The following TACC1 variants were observed in gnomAD, a reference collection of about 807,000 sequenced individuals.
TACC1 encodes the protein transforming acidic coiled-coil-containing protein 1.
TACC1 carries 48 observed loss-of-function variants against 84.4 expected under a neutral mutation model. The ratio of observed to expected loss-of-function variants is 0.57; its 90% CI spans 0.45 to 0.72. TACC1 has a LOEUF of 0.72. Among genes scored for constraint, TACC1 ranks in the 30% least tolerant of loss-of-function variants. The probability of loss-of-function intolerance (pLI) is 0.00; values close to 1 mark genes in which losing one functional copy is unlikely to be tolerated. For synonymous variants in TACC1, 372 were observed against 376.3 expected (o/e 0.99, Z 0.13); for missense variants, 920 against 973.0 (o/e 0.95, Z 0.72).
At chr8:38,745,816 T>C (rs1807985648) in intron 3 of TACC1, among the ~76,000 whole-genome samples, 1 of 152,118 alleles carries the variant, frequency 6.6e-6, no homozygotes, top group African/African-American at 2.4e-5. Flanking sequence ...AGTGCTGGCA[T>C]TACAGGCATG....
At chr8:38,807,789 G>A (rs1203526703) in intron 2 of TACC1, among the ~76,000 whole-genome samples, 1 of 152,114 alleles carries the variant, frequency 6.6e-6, no homozygotes, top group African/African-American at 2.4e-5. Flanking sequence ...ACATAACAGG[G>A]TACAAACTAG....
At chr8:38,841,225 A>G (rs1005840035) in intron 9 of TACC1, among the ~76,000 whole-genome samples, 1 of 152,184 alleles carries the variant, frequency 6.6e-6, no homozygotes, top group Admixed American at 6.5e-5. Context: ...GCTCACAGTC[A>G]GCGGCACTTT....
intron 2 of TACC1, among the ~76,000 whole-genome samples, chr8:38,809,317 A>T (rs1322837884): frequency 6.7e-6 from 1 of 148,788 alleles, no homozygotes; most frequent in Non-Finnish European, 1.5e-5. Flanking sequence ...GAGTGAGGAG[A>T]TGTGCCACGG....
At position 38,852,722 on chromosome 8, in the gene TACC1, A is replaced by G. The variant is rs1429612602; in HGVS notation, c.*4699A>G. 4.6e-5 allele frequency: 7 copies of G among 152,624 alleles called. No homozygotes were observed. Among genetic ancestry groups the G allele is most frequent in the African/African-American group, 7.2e-5 (3 of 41,438 alleles). The allele number at this position is 152,624 out of a possible 1,614,324, so 9.5% of individuals were successfully genotyped here. ...GCTGTTAGCAAGTGTGTGTTTGCCA[A>G]TAGATACCCATTATACTAATGTGCC... On this transcript the variant is annotated 3_prime_UTR_variant, in exon 13 of 13. Coordinates refer to ENST00000317827, the MANE Select transcript of TACC1 (RefSeq NM_006283.3).
At chr8:38,732,717 C>T (rs1442446228) in intron 1 of TACC1, among the ~76,000 whole-genome samples, 2 of 152,122 alleles carry the variant, frequency 1.3e-5, no homozygotes, top group African/African-American at 4.8e-5. Flanking sequence ...CCCCGGTTTG[C>T]AAATAGCGAT....
intron 3 of TACC1, among the ~76,000 whole-genome samples, chr8:38,778,662 G>C (rs1298360273): frequency 1.3e-5 from 2 of 152,160 alleles, no homozygotes; most frequent in Non-Finnish European, 1.5e-5. Flanking sequence ...TTCTTAAAGA[G>C]TGCTTCCCCA....
intron 1 of TACC1, among the ~76,000 whole-genome samples, chr8:38,734,024 G>C (rs1805486142): frequency 6.6e-6 from 1 of 152,142 alleles, no homozygotes; most frequent in Non-Finnish European, 1.5e-5. Context: ...CAGGGTCCTA[G>C]TTTAATAAGT....
At chr8:38,845,587 A>G (rs1326442365) in intron 11 of TACC1, among the ~76,000 whole-genome samples, 1 of 152,234 alleles carries the variant, frequency 6.6e-6, no homozygotes, top group African/African-American at 2.4e-5. Flanking sequence ...AGGTCGTGGA[A>G]CTATAGCATT....
At chr8:38,768,916 GTGTGTGTGACTA>G (rs901080012) in intron 3 of TACC1, among the ~76,000 whole-genome samples, 21 of 150,290 alleles carry the variant, frequency 1.4e-4, no homozygotes, top group Non-Finnish European at 5.9e-5. Flanking sequence ...ACTGTGTGTG[GTGTGTGTGACTA>G]TGTGTGTGGG....
chr8:38,828,051 G>A (rs1828491855), intron 5 of TACC1: 1 of 152,642 alleles, frequency 6.6e-6, no homozygotes, highest in Admixed American at 6.5e-5. Flanking sequence ...TTCAACATGA[G>A]ATTTAGGGGG....
intron 11 of TACC1, 33 bp downstream of exon 11, chr8:38,843,428 C>T (rs970831504): frequency 1.3e-6 from 2 of 1,514,748 alleles, no homozygotes; most frequent in Non-Finnish European, 1.8e-6. Context: ...TTTCACTCTT[C>T]ATGATGTTGT....
chr8:38,773,565 T>TCTAG (rs1253927912), intron 3 of TACC1, among the ~76,000 whole-genome samples: 9 of 151,246 alleles, frequency 6.0e-5, no homozygotes, highest in South Asian at 2.1e-4. Context: ...AAAGTATCTA[T>TCTAG]CTATCTAGCT....
chr8:38,842,438 G>A lies in TACC1; in HGVS notation c.2112G>A (p.Gly704=), dbSNP rs747032568. 3.1e-6 allele frequency: 5 copies of A among 1,606,822 alleles called. No individual in the cohort carries two copies. The African/African-American group carries it at 6.7e-5, about 22-fold the overall frequency. The change falls in exon 10 of 13, where the codon GGG becomes GGA. Residue 704 remains glycine (G), a synonymous_variant. Transcript: ENST00000317827. ...RYENLKGVLE[G]FKKNEEALKK... ...AGAACCTGAAAGGTGTTCTGGAAGGGTTCAAGAAGGTAGAGTGTTTTTTCC... is the reference window on the plus strand; with the variant it reads ...AGAACCTGAAAGGTGTTCTGGAAGGATTCAAGAAGGTAGAGTGTTTTTTCC...
intron 3 of TACC1, among the ~76,000 whole-genome samples, chr8:38,773,929 C>T (rs916401977): frequency 6.6e-6 from 1 of 152,194 alleles, no homozygotes; most frequent in Admixed American, 6.5e-5. Flanking sequence ...TTTCTTTCTT[C>T]TTTGAACTGC....
rs1342749784 is a variant in TACC1, at chr8:38,851,178, T to C, written c.*3155T>C. On this transcript the variant is annotated 3_prime_UTR_variant, in exon 13 of 13. Coordinates refer to ENST00000317827, the MANE Select transcript of TACC1 (RefSeq NM_006283.3). The stretch of plus-strand genomic sequence containing the variant: ...CAGAAGCACATGATGGTGAAAAACC[T>C]AGGATTTGGCAGCCTTCCAGAATGG... The C allele has an allele frequency of 1.3e-5, 2 of 152,314 alleles. No homozygotes were observed. Among genetic ancestry groups the C allele is most frequent in the East Asian group, 3.9e-4 (2 of 5,188 alleles). 9.4% of individuals were successfully genotyped at this position (152,314 alleles called of 1,614,324 possible). A position where few individuals can be genotyped will look rare whatever the true frequency, so the allele number is the denominator to read the frequency against.
At chr8:38,733,209 C>T (rs546319397) in intron 1 of TACC1, among the ~76,000 whole-genome samples, 1 of 152,200 alleles carries the variant, frequency 6.6e-6, no homozygotes, top group Non-Finnish European at 1.5e-5. Flanking sequence ...CTCAGTCACA[C>T]TCTAACAAGA....
intron 5 of TACC1, among the ~76,000 whole-genome samples, chr8:38,830,058 A>G (rs575167312): frequency 6.6e-6 from 1 of 152,344 alleles, no homozygotes; most frequent in South Asian, 2.1e-4. Flanking sequence ...ACAAGGTCAT[A>G]CCGTGGAATC....
intron 2 of TACC1, among the ~76,000 whole-genome samples, chr8:38,792,636 T>G (rs2152019987): frequency 6.6e-6 from 1 of 152,282 alleles, no homozygotes; most frequent in South Asian, 2.1e-4. Context: ...CAGCTAATTT[T>G]TTGTATTTTT....
At chr8:38,734,708 G>T (rs1344763674) in intron 1 of TACC1, among the ~76,000 whole-genome samples, 1 of 152,264 alleles carries the variant, frequency 6.6e-6, no homozygotes, top group African/African-American at 2.4e-5. Flanking sequence ...GGCAGCCGAG[G>T]CTTTGCTTGG....
Sources: allele counts gnomAD v4.1 joint callset (sites outside exome capture counted in the v4.1 genomes callset), GRCh38; gene constraint gnomAD v4.1.1; transcripts MANE v1.5; gene names NCBI Gene and HGNC (gene_info 2026-07-23, HGNC 2026-07-21).